NBEAL1: variants seen among roughly 807,000 people sequenced by gnomAD.
NBEAL1 encodes neurobeachin like 1, also known as neurobeachin-like protein 1.
Under a neutral mutation model 351.3 loss-of-function variants are expected in NBEAL1, and 273 were observed. The ratio of observed to expected loss-of-function variants is 0.78; its 90% confidence interval spans 0.70 to 0.86. The LOEUF is 0.86. NBEAL1 is among the 40% of genes least tolerant of loss of function. The pLI is 0.00. For synonymous variants in NBEAL1, 1,050 were observed against 1,086.4 expected, an observed-to-expected ratio of 0.97 and a Z score of 0.66; for missense variants, 2,961 against 3,201.3, an observed-to-expected ratio of 0.92 and a Z score of 1.81.
intron 37 of NBEAL1, 52 bp downstream of exon 37, chr2:203,166,349 A>C (rs772360389): frequency 1.3e-6 from 2 of 1,487,992 alleles, no homozygotes; most frequent in African/African-American, 2.8e-5. Flanking sequence ...TAAGTATCTA[A>C]TTTATCAATC....
chr2:203,125,454 A>G lies in NBEAL1; in HGVS notation c.2785A>G (p.Thr929Ala). 6.5e-7 allele frequency: 1 copy of G among 1,547,330 alleles called. No individual in the cohort carries two copies. The highest frequency in any genetic ancestry group is 8.7e-7 in the Non-Finnish European group (1 of 1,145,104). Residue 929 changes from threonine (T) to alanine (A), a missense_variant, in exon 20 of 56, where the codon ACA becomes GCA. Physicochemically the swap from Thr to Ala is moderately conservative, Grantham distance 58. Coordinates refer to ENST00000683969, the MANE Select transcript of NBEAL1 (RefSeq NM_001378026.1). Reference sequence around the variant, plus strand: ...GATTCCTGAAGAAAAGAATGAAAGCACAGTTCCTGAATCAGTAACACCTGT... The same window carrying G: ...GATTCCTGAAGAAAAGAATGAAAGCGCAGTTCCTGAATCAGTAACACCTGT... ...GQIPEEKNES[T>A]VPESVTPVEG...
chr2:203,091,859 T>C (rs923184044), intron 10 of NBEAL1, among the ~76,000 whole-genome samples: 6 of 152,236 alleles, frequency 3.9e-5, no homozygotes, highest in African/African-American at 1.4e-4. Context: ...AAGTCTTTTT[T>C]GTTATGCATT....
intron 51 of NBEAL1, among the ~76,000 whole-genome samples, chr2:203,207,305 G>T (rs1428696087): frequency 6.8e-6 from 1 of 147,040 alleles, no homozygotes. Context: ...TCAGCCCCCC[G>T]CCCGGCCAGC....
Position 203,206,709 on chromosome 2 carries a change from C to G in NBEAL1, c.7507-1928C>G, listed in dbSNP as rs1012354172. ...GTGCCGGGATTGCAGACGGAGTCTC[C>G]TTCACTCAGTGCTCAATGGTGCCCA... On this transcript the variant is annotated intron_variant, in intron 51 of 55. Transcript: ENST00000683969. Among the ~76,000 whole-genome samples the G allele has an allele frequency of 9.2e-5, 14 of 152,186 alleles. No individual in the cohort carries two copies. In the East Asian group the frequency reaches 1.5e-3, roughly 17 times the overall value.
chr2:203,115,235 C>A (rs553073278), intron 17 of NBEAL1, among the ~76,000 whole-genome samples: 1 of 151,142 alleles, frequency 6.6e-6, no homozygotes, highest in South Asian at 2.1e-4. Context: ...TCAAGCGATT[C>A]TCCACCTTCC....
intron 24 of NBEAL1, among the ~76,000 whole-genome samples, chr2:203,128,815 C>T (rs2063007294): frequency 6.6e-6 from 1 of 151,830 alleles, no homozygotes; most frequent in South Asian, 2.1e-4. Context: ...CCAGGATGGT[C>T]TCCATCTCTT....
intron 31 of NBEAL1, among the ~76,000 whole-genome samples, 160 bp from the exon 32 acceptor site, chr2:203,144,440 C>T (rs531959879): frequency 6.6e-6 from 1 of 152,300 alleles, no homozygotes; most frequent in East Asian, 1.9e-4. Flanking sequence ...GAAACTGTAG[C>T]AGCTAACCCT....
Position 203,138,709 on chromosome 2 carries a change from C to A in NBEAL1, c.4809C>A (p.Ile1603=). The A allele has an allele frequency of 6.2e-7, 1 of 1,612,886 alleles. No individual in the cohort carries two copies. The highest frequency in any genetic ancestry group is 2.2e-5 in the East Asian group (1 of 44,762). The part of the protein sequence containing the change: ...PVWVKLSQIQ[I]QLLLGFIGRG... ...GGGTAAAACTCTCTCAAATTCAGATCCAGTTGCTTCTAGGATTCATTGGAA... is the reference window on the plus strand; with the variant it reads ...GGGTAAAACTCTCTCAAATTCAGATACAGTTGCTTCTAGGATTCATTGGAA... The change falls in exon 31 of 56, where the codon ATC becomes ATA. Residue 1603 remains isoleucine (I), a synonymous_variant. Transcript: ENST00000683969.
At chr2:203,045,242 ATAAG>A (rs1178584972) in intron 3 of NBEAL1, among the ~76,000 whole-genome samples, 1 of 152,314 alleles carries the variant, frequency 6.6e-6, no homozygotes, top group East Asian at 1.9e-4. Context: ...ACTCTTTTAA[ATAAG>A]TAGGATAAAA....
rs1375040734 is a variant in NBEAL1, at chr2:203,222,498, T to C, written c.*5144T>C. ...GAGGGACATTTTGTCTAAAATTTGCTTGGAATGGCTTTATTATCTTTGTTT... is the reference window on the plus strand; with the variant it reads ...GAGGGACATTTTGTCTAAAATTTGCCTGGAATGGCTTTATTATCTTTGTTT... On this transcript the variant is annotated 3_prime_UTR_variant, in exon 56 of 56. Transcript: ENST00000683969. 6.6e-6 allele frequency among the ~76,000 whole-genome samples: 1 copy of C among 152,238 alleles called. No homozygotes were observed. Among genetic ancestry groups the C allele is most frequent in the East Asian group, 1.9e-4 (1 of 5,204 alleles).
chr2:203,122,197 G>A (rs2062847748), intron 18 of NBEAL1, 57 bp from the exon 19 acceptor site: 2 of 996,574 alleles, frequency 2.0e-6, no homozygotes, highest in East Asian at 2.7e-5. Context: ...TCTATATGTG[G>A]TTAAATTTAT....
chr2:203,053,539 C>T (rs1477994021), intron 4 of NBEAL1, among the ~76,000 whole-genome samples: 2 of 152,042 alleles, frequency 1.3e-5, no homozygotes, highest in Non-Finnish European at 2.9e-5. Flanking sequence ...GGGTTTTACT[C>T]TGTTGCCCAG....
chr2:203,107,699 A>G lies in NBEAL1; in HGVS notation c.1460A>G (p.Gln487Arg). Reference protein sequence around the residue: ...LLLIQWLPELQSHDLQIFISD... With the variant: ...LLLIQWLPELRSHDLQIFISD... Reference sequence around the variant, plus strand: ...CTTATCCAGTGGCTTCCAGAACTACAATCCCATGACCTGCAAATCTTCATC... The same window carrying G: ...CTTATCCAGTGGCTTCCAGAACTACGATCCCATGACCTGCAAATCTTCATC... The change falls in exon 14 of 56, where the codon CAA becomes CGA. Residue 487 changes from glutamine to arginine, a missense_variant. Transcript: ENST00000683969. 1 of 1,553,310 alleles carries G rather than the reference A, an allele frequency of 6.4e-7. No homozygotes were observed. The highest frequency in any genetic ancestry group is 8.7e-7 in the Non-Finnish European group (1 of 1,147,390).
intron 2 of NBEAL1, among the ~76,000 whole-genome samples, chr2:203,028,068 G>T (rs1281468831): frequency 6.6e-6 from 1 of 152,046 alleles, no homozygotes; most frequent in East Asian, 1.9e-4. Flanking sequence ...ATTTTTAGTA[G>T]AGATGGTTTT....
intron 39 of NBEAL1, among the ~76,000 whole-genome samples, chr2:203,171,227 C>T (rs1332265111): frequency 1.3e-5 from 2 of 152,152 alleles, no homozygotes; most frequent in Non-Finnish European, 2.9e-5. Flanking sequence ...CATTGCACTC[C>T]AGCCTGGGCA....
At chr2:203,054,101 C>T (rs2106085126) in intron 4 of NBEAL1, among the ~76,000 whole-genome samples, 1 of 152,198 alleles carries the variant, frequency 6.6e-6, no homozygotes, top group African/African-American at 2.4e-5. Flanking sequence ...GGAGGCACAC[C>T]ACCATGCCTG....
At chr2:203,117,800 A>G (rs1343192779) in intron 18 of NBEAL1, among the ~76,000 whole-genome samples, 1 of 150,710 alleles carries the variant, frequency 6.6e-6, no homozygotes, top group African/African-American at 2.4e-5. Context: ...TCCCACCTTC[A>G]GTCTCCGGAG....
chr2:203,037,612 G>A (rs993941969), intron 2 of NBEAL1, among the ~76,000 whole-genome samples: 1 of 148,516 alleles, frequency 6.7e-6, no homozygotes, highest in Non-Finnish European at 1.5e-5. Context: ...CTTTGCAGTC[G>A]GTCCTCCCAG....
intron 2 of NBEAL1, among the ~76,000 whole-genome samples, chr2:203,034,522 A>T (rs1294347395): frequency 1.5e-5 from 2 of 136,084 alleles, no homozygotes; most frequent in African/African-American, 5.4e-5. Flanking sequence ...GCAATGGCAC[A>T]ATCTCGGCTC....
Sources: gnomAD v4.1 joint callset for allele counts (sites outside exome capture counted in the v4.1 genomes callset) on GRCh38, gnomAD v4.1.1 for gene constraint, MANE v1.5 for transcripts, NCBI Gene and HGNC (gene_info 2026-07-23, HGNC 2026-07-21) for gene names.